The following NYAP2 variants were observed in gnomAD, a reference collection of about 807,000 sequenced individuals.
The protein encoded by NYAP2 is neuronal tyrosine-phosphorylated phosphoinositide-3-kinase adaptor 2.
In NYAP2, 23 loss-of-function variants were observed where a neutral mutation model predicts 50.4. The ratio of observed to expected loss-of-function variants is 0.46; its 90% CI spans 0.33 to 0.65. The LOEUF (loss-of-function observed/expected upper bound fraction) is 0.65. Ranked by LOEUF, NYAP2 falls within the 30% of genes least tolerant of loss-of-function variation. The probability of loss-of-function intolerance (pLI) is 0.02; values close to 1 mark genes in which losing one functional copy is unlikely to be tolerated. For missense variants in NYAP2, 885 were observed against 861.0 expected (o/e 1.03, Z -0.35); for synonymous variants, 394 against 365.2 (o/e 1.08, Z -0.90).
intron 4 of NYAP2, among the ~76,000 whole-genome samples, chr2:225,541,671 C>G (rs1321740056): frequency 6.6e-6 from 1 of 152,062 alleles, no homozygotes; most frequent in Non-Finnish European, 1.5e-5. Flanking sequence ...TATGCCAGTG[C>G]TATGCTGTTT....
At chr2:225,647,047 C>T (rs1693647122) in intron 6 of NYAP2, among the ~76,000 whole-genome samples, 1 of 152,000 alleles carries the variant, frequency 6.6e-6, no homozygotes, top group Non-Finnish European at 1.5e-5. Context: ...ATATAAAAGC[C>T]TTTGATCTGG....
intron 6 of NYAP2, among the ~76,000 whole-genome samples, chr2:225,641,480 C>CA (rs1245634898): frequency 1.8e-5 from 2 of 114,042 alleles, no homozygotes; most frequent in Non-Finnish European, 3.6e-5. Context: ...AACACACACA[C>CA]AATTTTTTTT....
chr2:225,427,862 G>C (rs1316223957), intron 3 of NYAP2, among the ~76,000 whole-genome samples: 2 of 152,080 alleles, frequency 1.3e-5, no homozygotes, highest in African/African-American at 2.4e-5. Context: ...ATCTTTGCTG[G>C]TGTCTCTGGA....
chr2:225,476,554 T>C (rs1690111631), intron 3 of NYAP2, among the ~76,000 whole-genome samples: 1 of 152,144 alleles, frequency 6.6e-6, no homozygotes, highest in South Asian at 2.1e-4. Context: ...GATGCAAATA[T>C]ATATTTTATG....
At chr2:225,502,982 T>G (rs1690633520) in intron 3 of NYAP2, among the ~76,000 whole-genome samples, 1 of 152,196 alleles carries the variant, frequency 6.6e-6, no homozygotes, top group South Asian at 2.1e-4. Flanking sequence ...CCTTAAAAAT[T>G]ATACCTTTAG....
intron 5 of NYAP2, among the ~76,000 whole-genome samples, chr2:225,617,190 G>T (rs1417863150): frequency 6.6e-6 from 1 of 152,146 alleles, no homozygotes; most frequent in African/African-American, 2.4e-5. Flanking sequence ...ACTTTGGGTG[G>T]CCAAGGCAGG....
At chr2:225,534,292 T>C (rs965175596) in intron 4 of NYAP2, among the ~76,000 whole-genome samples, 4 of 152,222 alleles carry the variant, frequency 2.6e-5, no homozygotes, top group African/African-American at 7.2e-5. Context: ...ACCGTAGCCA[T>C]TGGCAACAAG....
At position 225,582,902 on chromosome 2, in the gene NYAP2, C is replaced by T. The variant is rs1473972377; in HGVS notation, c.1485C>T (p.Tyr495=). 1.9e-6 allele frequency: 3 copies of T among 1,613,368 alleles called. No homozygotes were observed. Among genetic ancestry groups the T allele is most frequent in the East Asian group, 2.2e-5 (1 of 44,870 alleles). ...TGGTCAACGCCGCGGTGAACACCTACGGGGCAGCCCCGGGTGGCTCCCGGT... is the reference window on the plus strand; with the variant it reads ...TGGTCAACGCCGCGGTGAACACCTATGGGGCAGCCCCGGGTGGCTCCCGGT... The change falls in exon 5 of 7, where the codon TAC becomes TAT. Residue 495 remains tyrosine, a synonymous_variant. Transcript: ENST00000636099. This position sits in a 1 kb window ranked among gnomAD's most constrained non-coding sequence, Gnocchi z 7.0.
chr2:225,582,446 C>A lies in NYAP2; in HGVS notation c.1029C>A (p.Pro343=). ...CGCTGCTGGTATTTCCCCCCGCCCCCGTGCATTGCTCCCCCAACTCCGACG... is the reference window on the plus strand; with the variant it reads ...CGCTGCTGGTATTTCCCCCCGCCCCAGTGCATTGCTCCCCCAACTCCGACG... Residue 343 remains proline, a synonymous_variant, in exon 5 of 7, where the codon CCC becomes CCA. Transcript: ENST00000636099. The surrounding 1 kb of genome is among the most constrained non-coding windows in gnomAD (Gnocchi z 7.0). 1 of 1,563,126 alleles carries A rather than the reference C, an allele frequency of 6.4e-7. No individual in the cohort carries two copies. The highest frequency in any genetic ancestry group is 1.4e-5 in the African/African-American group (1 of 73,406).
intron 5 of NYAP2, among the ~76,000 whole-genome samples, chr2:225,625,200 C>A (rs551077189): frequency 7.9e-5 from 12 of 151,940 alleles, no homozygotes; most frequent in Admixed American, 1.3e-4. Context: ...CTATTAGCTC[C>A]ATTAACATAC....
chr2:225,634,147 T>A (rs961218828), intron 6 of NYAP2, among the ~76,000 whole-genome samples: 3 of 152,096 alleles, frequency 2.0e-5, no homozygotes, highest in Non-Finnish European at 4.4e-5. Flanking sequence ...AAAAGAGAAA[T>A]AGAGGTTTAG....
intron 4 of NYAP2, among the ~76,000 whole-genome samples, chr2:225,576,419 A>T (rs1176989750): frequency 2.0e-5 from 3 of 151,598 alleles, no homozygotes; most frequent in South Asian, 2.1e-4. Flanking sequence ...CATCTTAATT[A>T]AAAAAAAATA....
At chr2:225,553,294 CCT>C (rs1691714495) in intron 4 of NYAP2, among the ~76,000 whole-genome samples, 1 of 152,204 alleles carries the variant, frequency 6.6e-6, no homozygotes, top group Non-Finnish European at 1.5e-5. Flanking sequence ...CCTAGTTCCC[CCT>C]CTCTCTTCTG....
At chr2:225,665,601 G>C in the NYAP2 span, among the ~76,000 whole-genome samples, 1 of 146,272 alleles carries the variant, frequency 6.8e-6, no homozygotes, top group East Asian at 2.0e-4. Flanking sequence ...AAAAAAAAAA[G>C]AGTTGGAGAC....
chr2:225,399,386 A>G (rs568812932), upstream of NYAP2, among the ~76,000 whole-genome samples: 3 of 152,194 alleles, frequency 2.0e-5, no homozygotes, highest in South Asian at 6.2e-4. Flanking sequence ...ATAATGTGAT[A>G]TATATGTATA....
chr2:225,435,908 A>G (rs941650709), intron 3 of NYAP2, among the ~76,000 whole-genome samples: 2 of 152,134 alleles, frequency 1.3e-5, no homozygotes, highest in African/African-American at 2.4e-5. Flanking sequence ...TTCAACATCA[A>G]TTTGCTCATT....
chr2:225,449,601 C>CTTTTTTTT (rs201552006), intron 3 of NYAP2, among the ~76,000 whole-genome samples: 55 of 96,296 alleles, frequency 5.7e-4, no homozygotes, highest in Non-Finnish European at 7.6e-4. Flanking sequence ...CTCTCTTTCT[C>CTTTTTTTT]TTTTTTTTTT....
intron 6 of NYAP2, among the ~76,000 whole-genome samples, chr2:225,641,008 C>A (rs1208413917): frequency 6.6e-6 from 1 of 152,150 alleles, no homozygotes; most frequent in Non-Finnish European, 1.5e-5. Flanking sequence ...CAGAAAGTGC[C>A]TTTCCTTGCC....
intron 5 of NYAP2, among the ~76,000 whole-genome samples, chr2:225,586,144 A>G: frequency 6.6e-6 from 1 of 152,218 alleles, no homozygotes; most frequent in East Asian, 1.9e-4. Flanking sequence ...TGTTTTAATT[A>G]AGGAAAACGA....
Sources: allele counts gnomAD v4.1 joint callset (sites outside exome capture counted in the v4.1 genomes callset), GRCh38; gene constraint gnomAD v4.1.1; non-coding constraint Gnocchi (gnomAD v3.1); transcripts MANE v1.5; gene names NCBI Gene and HGNC (gene_info 2026-07-23, HGNC 2026-07-21).